The following NARS2 variants were observed in gnomAD, a reference collection of about 807,000 sequenced individuals.
NARS2 encodes asparaginyl-tRNA synthetase 2, mitochondrial, also known as asparaginyl-tRNA synthetase.
A neutral mutation model predicts 62.9 loss-of-function variants in NARS2; 60 were observed. The observed-to-expected ratio is 0.95, with a 90% CI of 0.77 to 1.18. The LOEUF is 1.18. Among genes scored for constraint, NARS2 ranks in the 50% most tolerant of loss-of-function variants. The probability of loss-of-function intolerance (pLI) is 0.00; values close to 1 mark genes in which losing one functional copy is unlikely to be tolerated. For missense variants in NARS2, 619 were observed against 576.4 expected (o/e 1.07, Z -0.76); for synonymous variants, 196 against 200.0 (o/e 0.98, Z 0.17).
chr11:78,540,103 T>C (rs1400529863), intron 5 of NARS2, among the ~76,000 whole-genome samples: 1 of 152,144 alleles, frequency 6.6e-6, no homozygotes, highest in Non-Finnish European at 1.5e-5. Context: ...CCTTTCTCTA[T>C]TATGCAAAAC....
At chr11:78,443,250 C>G (rs1049546284) in intron 12 of NARS2, among the ~76,000 whole-genome samples, 8 of 151,014 alleles carry the variant, frequency 5.3e-5, no homozygotes, top group African/African-American at 2.0e-4. Flanking sequence ...GGCGTGAACC[C>G]CGGGAGGCAG....
intron 5 of NARS2, among the ~76,000 whole-genome samples, chr11:78,557,179 C>T (rs1229439047): frequency 6.6e-6 from 1 of 152,188 alleles, no homozygotes; most frequent in East Asian, 1.9e-4. Flanking sequence ...CATGTTCTTA[C>T]TGTGTTTTTT....
At chr11:78,506,212 C>T (rs550623584) in intron 6 of NARS2, among the ~76,000 whole-genome samples, 6 of 152,258 alleles carry the variant, frequency 3.9e-5, no homozygotes, top group Non-Finnish European at 5.9e-5. Context: ...TTGTCAAAGA[C>T]GTGGACCAAC....
chr11:78,574,309 C>T (rs1008838641), intron 1 of NARS2, 39 bp downstream of exon 1: 1 of 1,613,662 alleles, frequency 6.2e-7, no homozygotes, highest in Non-Finnish European at 8.5e-7. Context: ...ATATAAAAGT[C>T]CCTACAAGAA....
intron 6 of NARS2, among the ~76,000 whole-genome samples, chr11:78,499,923 C>T (rs975213992): frequency 3.3e-5 from 5 of 152,178 alleles, no homozygotes; most frequent in East Asian, 3.9e-4. Flanking sequence ...ATTTTGTCAA[C>T]GGCACTTACT....
intron 5 of NARS2, 51 bp downstream of exon 5, chr11:78,559,488 T>C (rs897248932): frequency 1.7e-6 from 2 of 1,172,640 alleles, no homozygotes; most frequent in African/African-American, 1.5e-5. Context: ...AACCCTCAAA[T>C]GAAAAATATT....
At chr11:78,524,749 T>C (rs981176250) in intron 6 of NARS2, among the ~76,000 whole-genome samples, 1 of 151,970 alleles carries the variant, frequency 6.6e-6, no homozygotes, top group Non-Finnish European at 1.5e-5. Flanking sequence ...ACAGCAAACA[T>C]ATCCAGTGAC....
At chr11:78,508,174 TG>T (rs1860575071) in intron 6 of NARS2, among the ~76,000 whole-genome samples, 1 of 149,904 alleles carries the variant, frequency 6.7e-6, no homozygotes. Flanking sequence ...GATAAGACAA[TG>T]GAAATTATGG....
intron 5 of NARS2, among the ~76,000 whole-genome samples, chr11:78,551,897 C>G (rs907083371): frequency 2.0e-5 from 3 of 151,912 alleles, no homozygotes; most frequent in Admixed American, 1.3e-4. Flanking sequence ...AAAAACAACC[C>G]TGCTCCATCT....
chr11:78,559,671 A>G (rs570501697), intron 4 of NARS2, 52 bp from the exon 5 acceptor site: 118 of 1,186,462 alleles, frequency 9.9e-5, no homozygotes, highest in Non-Finnish European at 1.3e-4. Flanking sequence ...AACAATTCCA[A>G]GAACACACAT....
chr11:78,540,899 C>G (rs182988765), intron 5 of NARS2, among the ~76,000 whole-genome samples: 2 of 151,980 alleles, frequency 1.3e-5, no homozygotes, highest in Non-Finnish European at 1.5e-5. Context: ...TTTTTCACGC[C>G]TGTAATCCCA....
chr11:78,511,310 C>T (rs1174533248), intron 6 of NARS2, among the ~76,000 whole-genome samples: 1 of 152,182 alleles, frequency 6.6e-6, no homozygotes, highest in South Asian at 2.1e-4. Context: ...AACTCCTAGA[C>T]TCAAGAAATC....
chr11:78,446,587 T>G (rs545043044), intron 11 of NARS2, among the ~76,000 whole-genome samples: 1 of 152,268 alleles, frequency 6.6e-6, no homozygotes, highest in South Asian at 2.1e-4. Flanking sequence ...TGGAAAAGAA[T>G]AGTCAACCAG....
chr11:78,540,433 A>G (rs1217527822), intron 5 of NARS2, among the ~76,000 whole-genome samples: 1 of 152,250 alleles, frequency 6.6e-6, no homozygotes, highest in Admixed American at 6.5e-5. Flanking sequence ...AAGGAGCGAG[A>G]GTAAATAGCA....
At chr11:78,555,560 T>C (rs773333106) in intron 5 of NARS2, among the ~76,000 whole-genome samples, 2 of 152,162 alleles carry the variant, frequency 1.3e-5, no homozygotes, top group Non-Finnish European at 2.9e-5. Context: ...TTTCCAATTG[T>C]GTTTATTTGA....
chr11:78,559,376 G>A lies in NARS2; in HGVS notation c.594+163C>T, dbSNP rs527457341. 1.3e-3 allele frequency among the ~76,000 whole-genome samples: 197 copies of A among 146,794 alleles called. 1 individual carries two copies. Among genetic ancestry groups the A allele is most frequent in the Non-Finnish European group, 2.1e-3 (142 of 66,670 alleles). On this transcript the variant is annotated intron_variant, in intron 5 of 13. Coordinates refer to ENST00000281038, the MANE Select transcript of NARS2 (RefSeq NM_024678.6). ...TAAGACTGCTGGTACTACAGGAAAT[G>A]AGACTGGTTTGAATTGTCTATGTAA... is the stretch of plus-strand genomic sequence containing the variant.
At chr11:78,493,025 G>T in intron 7 of NARS2, 38 bp downstream of exon 7, 1 of 1,286,214 alleles carries the variant, frequency 7.8e-7, no homozygotes, top group Non-Finnish European at 1.1e-6. Flanking sequence ...ACATTTTAAT[G>T]TCACAGATAC....
chr11:78,542,299 G>GTCTAAT (rs754514529), intron 5 of NARS2, among the ~76,000 whole-genome samples: 5 of 152,200 alleles, frequency 3.3e-5, no homozygotes, highest in Non-Finnish European at 7.3e-5. Flanking sequence ...TAGAGGGTAA[G>GTCTAAT]GTTGAGGCAA....
chr11:78,550,495 T>TA (rs1411337316), intron 5 of NARS2, among the ~76,000 whole-genome samples: 1 of 152,180 alleles, frequency 6.6e-6, no homozygotes, highest in Non-Finnish European at 1.5e-5. Flanking sequence ...ATTTAAATTT[T>TA]AAAAAATTTG....
Sources: gnomAD v4.1 joint callset for allele counts (sites outside exome capture counted in the v4.1 genomes callset) on GRCh38, gnomAD v4.1.1 for gene constraint, MANE v1.5 for transcripts, NCBI Gene and HGNC (gene_info 2026-07-23, HGNC 2026-07-21) for gene names.